Variants in KCTD8 observed in about 807,000 individuals in gnomAD.
KCTD8 encodes the protein BTB/POZ domain-containing protein KCTD8.
In KCTD8, 27 loss-of-function variants were observed where a neutral mutation model predicts 31.5. The observed-to-expected ratio is 0.86, with a 90% CI of 0.63 to 1.18. The LOEUF (loss-of-function observed/expected upper bound fraction) is 1.18. Among genes scored for constraint, KCTD8 ranks in the 50% most tolerant of loss-of-function variants. The probability of loss-of-function intolerance (pLI) is 0.00; values close to 1 mark genes in which losing one functional copy is unlikely to be tolerated. For synonymous variants in KCTD8, 290 were observed against 280.0 expected, an observed-to-expected ratio of 1.04 and a Z score of -0.36; for missense variants, 658 against 647.7, an observed-to-expected ratio of 1.02 and a Z score of -0.17.
At chr4:44,342,730 T>C (rs1359586474) in intron 1 of KCTD8, among the ~76,000 whole-genome samples, 1 of 152,222 alleles carries the variant, frequency 6.6e-6, no homozygotes, top group Non-Finnish European at 1.5e-5. Context: ...TTGTTCAGTG[T>C]TCCTCATCAA....
chr4:44,191,375 G>C (rs767459643), intron 1 of KCTD8, among the ~76,000 whole-genome samples: 9 of 152,084 alleles, frequency 5.9e-5, no homozygotes, highest in Non-Finnish European at 1.3e-4. Context: ...AAAAATAACA[G>C]AATAACAACG....
intron 1 of KCTD8, among the ~76,000 whole-genome samples, chr4:44,191,647 C>A (rs1234777971): frequency 6.6e-6 from 1 of 152,124 alleles, no homozygotes; most frequent in Non-Finnish European, 1.5e-5. Flanking sequence ...AAGCCCTGGT[C>A]TCCTGCAGTA....
chr4:44,294,589 T>G (rs1310911444), intron 1 of KCTD8, among the ~76,000 whole-genome samples: 1 of 152,130 alleles, frequency 6.6e-6, no homozygotes, highest in Non-Finnish European at 1.5e-5. Context: ...TGAAAAAAAT[T>G]TCCTTATGAA....
chr4:44,314,108 G>A (rs1718036694), intron 1 of KCTD8, among the ~76,000 whole-genome samples: 1 of 152,174 alleles, frequency 6.6e-6, no homozygotes, highest in South Asian at 2.1e-4. Context: ...TTAGTGATTG[G>A]ATATTCTCAG....
intron 1 of KCTD8, among the ~76,000 whole-genome samples, chr4:44,373,093 AGTGGCTCACACCT>A: frequency 6.6e-6 from 1 of 152,130 alleles, no homozygotes; most frequent in Non-Finnish European, 1.5e-5. Flanking sequence ...GGCCGGGCGC[AGTGGCTCACACCT>A]GTATTCCCAG....
At chr4:44,301,049 T>C (rs1268133821) in intron 1 of KCTD8, among the ~76,000 whole-genome samples, 1 of 151,878 alleles carries the variant, frequency 6.6e-6, no homozygotes, top group Non-Finnish European at 1.5e-5. Flanking sequence ...CATGAACTCA[T>C]CATTTTTTAT....
At chr4:44,281,493 C>T (rs1257293915) in intron 1 of KCTD8, among the ~76,000 whole-genome samples, 1 of 152,102 alleles carries the variant, frequency 6.6e-6, no homozygotes, top group African/African-American at 2.4e-5. Context: ...TCTGAACAAG[C>T]TGATGTGTAC....
intron 1 of KCTD8, among the ~76,000 whole-genome samples, chr4:44,391,524 CTT>C (rs1339109650): frequency 1.3e-5 from 2 of 151,710 alleles, no homozygotes; most frequent in Non-Finnish European, 2.9e-5. Flanking sequence ...AATATTTTCT[CTT>C]TCTTATGATT....
chr4:44,339,750 C>A (rs996406978), intron 1 of KCTD8, among the ~76,000 whole-genome samples: 1 of 152,010 alleles, frequency 6.6e-6, no homozygotes, highest in Non-Finnish European at 1.5e-5. Context: ...CCAAGGTAGA[C>A]CAATACTTTG....
chr4:44,284,511 CA>C (rs1281472559), intron 1 of KCTD8, among the ~76,000 whole-genome samples: 1 of 151,924 alleles, frequency 6.6e-6, no homozygotes, highest in East Asian at 1.9e-4. Flanking sequence ...TCTAGGATCA[CA>C]AAAATCCTAG....
At chr4:44,228,122 G>C (rs1366657231) in intron 1 of KCTD8, among the ~76,000 whole-genome samples, 2 of 152,054 alleles carry the variant, frequency 1.3e-5, no homozygotes, top group Non-Finnish European at 2.9e-5. Context: ...TTATCAGTTT[G>C]CTAGGGCTGC....
intron 1 of KCTD8, among the ~76,000 whole-genome samples, chr4:44,312,328 C>A (rs1717978547): frequency 6.6e-6 from 1 of 152,010 alleles, no homozygotes; most frequent in South Asian, 2.1e-4. Context: ...TTCCTAATTG[C>A]ATCTGCAATA....
At chr4:44,401,686 C>T (rs1720669399) in intron 1 of KCTD8, among the ~76,000 whole-genome samples, 1 of 152,104 alleles carries the variant, frequency 6.6e-6, no homozygotes, top group Non-Finnish European at 1.5e-5. Flanking sequence ...ATAGTTGTAT[C>T]AAAGATAAGA....
chr4:44,193,537 T>A (rs1460547002), intron 1 of KCTD8, among the ~76,000 whole-genome samples: 2 of 152,164 alleles, frequency 1.3e-5, no homozygotes, highest in Non-Finnish European at 2.9e-5. Flanking sequence ...AAGATGCATA[T>A]CTGAACATTT....
chr4:44,416,456 T>A (rs1315526468), intron 1 of KCTD8, among the ~76,000 whole-genome samples: 1 of 152,148 alleles, frequency 6.6e-6, no homozygotes, highest in African/African-American at 2.4e-5. Context: ...GGTTTGGATA[T>A]GCATCTCCTC....
chr4:44,431,579 A>AAAC (rs1203612873), intron 1 of KCTD8, among the ~76,000 whole-genome samples: 9 of 151,516 alleles, frequency 5.9e-5, no homozygotes, highest in Admixed American at 2.0e-4. Flanking sequence ...TTAATTTTAA[A>AAAC]AACAACAACA....
chr4:44,346,627 T>G (rs1719044025), intron 1 of KCTD8, among the ~76,000 whole-genome samples: 1 of 152,102 alleles, frequency 6.6e-6, no homozygotes, highest in African/African-American at 2.4e-5. Context: ...CATACAAATG[T>G]CACCCACCTC....
At chr4:44,307,302 T>G (rs1338124810) in intron 1 of KCTD8, among the ~76,000 whole-genome samples, 1 of 151,970 alleles carries the variant, frequency 6.6e-6, no homozygotes, top group Non-Finnish European at 1.5e-5. Flanking sequence ...CATAATTTCT[T>G]TACTTATCAT....
intron 1 of KCTD8, among the ~76,000 whole-genome samples, chr4:44,258,959 T>G (rs1716080935): frequency 6.6e-6 from 1 of 151,920 alleles, no homozygotes. Flanking sequence ...TGTAAATACC[T>G]GGCACATAGT....
Sources: allele counts gnomAD v4.1 joint callset (sites outside exome capture counted in the v4.1 genomes callset), GRCh38; gene constraint gnomAD v4.1.1; transcripts MANE v1.5; gene names NCBI Gene and HGNC (gene_info 2026-07-23, HGNC 2026-07-21).